The following SORCS2 variants were observed in gnomAD, a reference collection of about 807,000 sequenced individuals.
SORCS2 encodes VPS10 domain-containing receptor SorCS2.
SORCS2 carries 100 observed loss-of-function variants against 141.6 expected under a neutral mutation model. The observed-to-expected ratio is 0.71, with a 90% CI of 0.60 to 0.83. The LOEUF is 0.83. Among genes scored for constraint, SORCS2 ranks in the 40% least tolerant of loss-of-function variants. The pLI is 0.00. For missense variants in SORCS2, 1,646 were observed against 1,560.2 expected, an observed-to-expected ratio of 1.05 and a Z score of -0.93; for synonymous variants, 789 against 676.9, an observed-to-expected ratio of 1.17 and a Z score of -2.57.
intron 3 of SORCS2, among the ~76,000 whole-genome samples, chr4:7,545,103 C>T (rs1185860881): frequency 2.0e-5 from 3 of 151,388 alleles, no homozygotes; most frequent in Admixed American, 1.3e-4. Flanking sequence ...AAATTATTCC[C>T]TCTTAAAGTC....
chr4:7,403,079 C>T (rs1242233090), intron 2 of SORCS2, among the ~76,000 whole-genome samples: 1 of 152,104 alleles, frequency 6.6e-6, no homozygotes, highest in Non-Finnish European at 1.5e-5. Flanking sequence ...TTTTGCCATA[C>T]CACATTCATG....
At chr4:7,194,318 A>G (rs574007868) in intron 1 of SORCS2, among the ~76,000 whole-genome samples, 1 of 152,180 alleles carries the variant, frequency 6.6e-6, no homozygotes, top group South Asian at 2.1e-4. Flanking sequence ...GAAAGGGCAT[A>G]ATCTGGGTGG....
chr4:7,680,973 C>G (rs1292500004), intron 9 of SORCS2, among the ~76,000 whole-genome samples: 19 of 152,210 alleles, frequency 1.2e-4, no homozygotes. Flanking sequence ...GGATTTTACC[C>G]AGAGCTCACC....
chr4:7,716,558 C>T (rs951599265), intron 17 of SORCS2, among the ~76,000 whole-genome samples: 3 of 152,118 alleles, frequency 2.0e-5, no homozygotes, highest in African/African-American at 7.2e-5. Context: ...ATCCATCAAT[C>T]TATCCATCCA....
chr4:7,508,700 G>A (rs1732424657), intron 2 of SORCS2, among the ~76,000 whole-genome samples: 1 of 152,028 alleles, frequency 6.6e-6, no homozygotes, highest in African/African-American at 2.4e-5. Flanking sequence ...TACAGTGCAT[G>A]CGTTTGATTA....
At chr4:7,527,470 C>CGGGGCGA (rs1733767924) in intron 2 of SORCS2, among the ~76,000 whole-genome samples, 1 of 151,424 alleles carries the variant, frequency 6.6e-6, no homozygotes, top group Non-Finnish European at 1.5e-5. Flanking sequence ...CAGTGGGCCT[C>CGGGGCGA]GGGGCCTCGG....
chr4:7,503,994 A>G (rs1253293492), intron 2 of SORCS2, among the ~76,000 whole-genome samples: 1 of 151,726 alleles, frequency 6.6e-6, no homozygotes, highest in Non-Finnish European at 1.5e-5. Context: ...CTCCCCTGCT[A>G]CTCCACCCGG....
In SORCS2 at chr4:7,627,118, T is replaced by A. The variant is rs557051570; in HGVS notation, c.649-11210T>A. On this transcript the variant is annotated intron_variant, in intron 3 of 26. Transcript: ENST00000507866. ...CTCCTGCCTCAGCTTCCCAAGTAGC[T>A]GGGACTACACGTGCGTGCCACCAAG... Among the ~76,000 whole-genome samples the A allele has an allele frequency of 1.6e-3, 238 of 152,248 alleles. 1 individual carries two copies. The highest frequency in any genetic ancestry group is 3.4e-3 in the Middle Eastern group (1 of 294).
At chr4:7,378,369 A>G (rs780235146) in intron 1 of SORCS2, among the ~76,000 whole-genome samples, 14 of 151,448 alleles carry the variant, frequency 9.2e-5, no homozygotes, top group Non-Finnish European at 1.5e-4. Flanking sequence ...TGGGTAATTT[A>G]TAAAGAAAAG....
At chr4:7,575,758 C>T (rs529438258) in intron 3 of SORCS2, among the ~76,000 whole-genome samples, 4 of 152,134 alleles carry the variant, frequency 2.6e-5, no homozygotes, top group East Asian at 1.9e-4. Context: ...GGTGTGTTTA[C>T]GCATCAGGAT....
chr4:7,338,632 C>T (rs915260765), intron 1 of SORCS2, among the ~76,000 whole-genome samples: 1 of 152,142 alleles, frequency 6.6e-6, no homozygotes, highest in African/African-American at 2.4e-5. Context: ...CAGTCTCCTG[C>T]CCTCTCCAGC....
intron 12 of SORCS2, among the ~76,000 whole-genome samples, chr4:7,699,609 C>T (rs1009197778): frequency 1.3e-5 from 2 of 152,146 alleles, no homozygotes; most frequent in Non-Finnish European, 2.9e-5. Flanking sequence ...CCAAAGCAGT[C>T]GTTTAGGCTC....
intron 9 of SORCS2, 29 bp from the exon 10 acceptor site, chr4:7,682,714 T>C (rs1253636473): frequency 6.3e-7 from 1 of 1,590,240 alleles, no homozygotes; most frequent in Non-Finnish European, 8.6e-7. Context: ...CAGTGTAAGT[T>C]TACAGTCCTT....
chr4:7,271,539 C>T (rs1715130274), intron 1 of SORCS2, among the ~76,000 whole-genome samples: 1 of 152,256 alleles, frequency 6.6e-6, no homozygotes, highest in African/African-American at 2.4e-5. Flanking sequence ...AAGATGTCAA[C>T]ACCCCCAGCC....
At chr4:7,590,349 A>G (rs976237891) in intron 3 of SORCS2, among the ~76,000 whole-genome samples, 11 of 152,178 alleles carry the variant, frequency 7.2e-5, no homozygotes, top group African/African-American at 2.2e-4. Context: ...CATCTTGCCA[A>G]TCGGGTCCCC....
chr4:7,269,002 A>G (rs1281089779), intron 1 of SORCS2, among the ~76,000 whole-genome samples: 1 of 152,210 alleles, frequency 6.6e-6, no homozygotes, highest in African/African-American at 2.4e-5. Context: ...GGAGACTTCT[A>G]GAAGCACATG....
At chr4:7,499,221 A>AC (rs956450635) in intron 2 of SORCS2, among the ~76,000 whole-genome samples, 11 of 152,052 alleles carry the variant, frequency 7.2e-5, no homozygotes, top group Admixed American at 4.6e-4. Context: ...TGTGCACGTC[A>AC]CCCCCAGGAG....
At chr4:7,393,425 T>C (rs904087821) in intron 1 of SORCS2, among the ~76,000 whole-genome samples, 3 of 152,224 alleles carry the variant, frequency 2.0e-5, no homozygotes, top group African/African-American at 4.8e-5. Flanking sequence ...ATGTCGTAAG[T>C]GTTGGTTCTT....
At chr4:7,463,101 A>G (rs1729411260) in intron 2 of SORCS2, among the ~76,000 whole-genome samples, 1 of 152,054 alleles carries the variant, frequency 6.6e-6, no homozygotes, top group African/African-American at 2.4e-5. Context: ...ACAGGTGAGG[A>G]AACTGAGTCA....
Sources: allele counts gnomAD v4.1 joint callset (sites outside exome capture counted in the v4.1 genomes callset), GRCh38; gene constraint gnomAD v4.1.1; transcripts MANE v1.5; gene names NCBI Gene and HGNC (gene_info 2026-07-23, HGNC 2026-07-21).